INSR: variants seen among roughly 807,000 people sequenced by gnomAD.
INSR encodes IR.
INSR carries 67 observed loss-of-function variants against 142.6 expected under a neutral mutation model. The observed-to-expected ratio is 0.47, with a 90% CI of 0.39 to 0.58. The LOEUF (loss-of-function observed/expected upper bound fraction) is 0.58, where lower values mean the gene tolerates loss of function less well. INSR is among the 20% of genes least tolerant of loss of function. The pLI, the probability that INSR is intolerant of heterozygous loss-of-function variation, is 0.00. For synonymous variants in INSR, 756 were observed against 743.1 expected, an observed-to-expected ratio of 1.02 and a Z score of -0.28; for missense variants, 1,248 against 1,833.2, an observed-to-expected ratio of 0.68 and a Z score of 5.83.
chr19:7,237,471 C>G, intron 2 of INSR, among the ~76,000 whole-genome samples: 1 of 150,754 alleles, frequency 6.6e-6, no homozygotes, highest in East Asian at 2.0e-4. Context: ...GAGCAGAGAC[C>G]ATGCCACTGC....
chr19:7,249,069 C>T (rs1042740855), intron 2 of INSR, among the ~76,000 whole-genome samples: 1 of 152,138 alleles, frequency 6.6e-6, no homozygotes, highest in Non-Finnish European at 1.5e-5. Flanking sequence ...CCCCCAGTAT[C>T]TTTTGAAGCC....
intron 2 of INSR, among the ~76,000 whole-genome samples, chr19:7,226,498 G>A (rs1441721976): frequency 1.3e-5 from 2 of 151,496 alleles, no homozygotes; most frequent in Non-Finnish European, 2.9e-5. Context: ...GGCCGAGGCA[G>A]GAGAGTTGCT....
intron 15 of INSR, among the ~76,000 whole-genome samples, chr19:7,127,684 A>G (rs1441361404): frequency 2.6e-5 from 4 of 152,142 alleles, no homozygotes; most frequent in Non-Finnish European, 5.9e-5. Context: ...ATAACTCAGG[A>G]CTGGATTTGT....
chr19:7,186,670 GCA>G (rs1322908134), intron 2 of INSR, among the ~76,000 whole-genome samples: 1 of 151,698 alleles, frequency 6.6e-6, no homozygotes, highest in African/African-American at 2.4e-5. Context: ...CCAACTCCTG[GCA>G]CCTGCCATTT....
chr19:7,237,554 G>T (rs556197643), intron 2 of INSR, among the ~76,000 whole-genome samples: 27 of 151,920 alleles, frequency 1.8e-4, no homozygotes, highest in Non-Finnish European at 2.6e-4. Flanking sequence ...GGTGGCTCAC[G>T]CCTGTAATCC....
At chr19:7,132,086 T>A in intron 14 of INSR, 72 bp downstream of exon 14, 1 of 1,591,612 alleles carries the variant, frequency 6.3e-7, no homozygotes, top group African/African-American at 1.3e-5. Flanking sequence ...CTCCAAGTCA[T>A]CCCCTGCAAT....
At chr19:7,249,698 A>G (rs2145169973) in intron 2 of INSR, among the ~76,000 whole-genome samples, 1 of 152,104 alleles carries the variant, frequency 6.6e-6, no homozygotes, top group East Asian at 1.9e-4. Context: ...AAATAAATTA[A>G]AAAAAAATTA....
intron 9 of INSR, among the ~76,000 whole-genome samples, chr19:7,161,233 A>C (rs931278296): frequency 1.3e-5 from 2 of 149,356 alleles, no homozygotes; most frequent in African/African-American, 4.9e-5. Context: ...GAATGCACTT[A>C]ATGCCTTTTT....
chr19:7,192,935 A>T lies in INSR; in HGVS notation c.653-8298T>A, dbSNP rs1045188221. Among the ~76,000 whole-genome samples the T allele has an allele frequency of 6.6e-6, 1 of 151,998 alleles. No individual in the cohort carries two copies. The highest frequency in any genetic ancestry group is 1.5e-5 in the Non-Finnish European group (1 of 67,996). On this transcript the variant is annotated intron_variant, in intron 2 of 21. Coordinates refer to ENST00000302850, the MANE Select transcript of INSR (RefSeq NM_000208.4). This position sits in a 1 kb window ranked among gnomAD's most constrained non-coding sequence, Gnocchi z 4.2. ...ACTAAGTTGACGGAGGAGAAAGGAG[A>T]CCGCTGTGTCAGAGTCCTCTGGTGG...
chr19:7,135,475 G>A (rs1318786985), intron 13 of INSR, among the ~76,000 whole-genome samples: 4 of 147,108 alleles, frequency 2.7e-5, no homozygotes, highest in South Asian at 4.3e-4. Context: ...GCCACAAAGC[G>A]AGACTCCAGC....
At chr19:7,146,730 A>G (rs918412082) in intron 11 of INSR, among the ~76,000 whole-genome samples, 3 of 152,226 alleles carry the variant, frequency 2.0e-5, no homozygotes, top group Non-Finnish European at 4.4e-5. Context: ...TTTGACACAT[A>G]TCTTTTTCCA....
At position 7,115,670 on chromosome 19, in the gene INSR, CCACAAGAGGTACA is replaced by C. The variant is rs1568422599; in HGVS notation, c.*1373_*1385del. 1.3e-5 allele frequency: 2 copies of C among 152,308 alleles called. No individual in the cohort carries two copies. Among genetic ancestry groups the C allele is most frequent in the Admixed American group, 1.3e-4 (2 of 15,296 alleles). The allele number at this position is 152,308 out of a possible 1,614,324, so 9.4% of individuals were successfully genotyped here. A position where few individuals can be genotyped will look rare whatever the true frequency, so the allele number is the denominator to read the frequency against. ...ATGTTCACACCCGGGAGAGGAAACG[CCACAAGAGGTACA>C]CACAGAGAATCAGAGGATGAACACA... On this transcript the variant is annotated 3_prime_UTR_variant, in exon 22 of 22. Coordinates refer to ENST00000302850, the MANE Select transcript of INSR (RefSeq NM_000208.4).
Position 7,116,861 on chromosome 19 carries a change from G to A in INSR, c.*195C>T, listed in dbSNP as rs901761597. On this transcript the variant is annotated 3_prime_UTR_variant, in exon 22 of 22. Coordinates refer to ENST00000302850, the MANE Select transcript of INSR (RefSeq NM_000208.4). ...AAACCCCTTGCCCTCCAGGTTCACA[G>A]TTAAATCCTCTGCAGGACTAGTTAA... The A allele has an allele frequency of 3.5e-5, 21 of 597,996 alleles. No individual in the cohort carries two copies. The Admixed American group carries it at 4.1e-4, about 12-fold the overall frequency. The allele number at this position is 597,996 out of a possible 1,614,324, so 37.0% of individuals were successfully genotyped here.
At chr19:7,199,473 C>T (rs1474604028) in intron 2 of INSR, among the ~76,000 whole-genome samples, 1 of 150,948 alleles carries the variant, frequency 6.6e-6, no homozygotes, top group Non-Finnish European at 1.5e-5. Context: ...TCATAGCTCA[C>T]TGCAGTCTAG....
At chr19:7,151,146 TTTCCTTTCTTTCTTTCTC>T (rs1568447216) in intron 10 of INSR, among the ~76,000 whole-genome samples, 4 of 37,592 alleles carry the variant, frequency 1.1e-4, no homozygotes, top group African/African-American at 2.3e-4. Flanking sequence ...TCTTTCTCTC[TTTCCTTTCTTTCTTTCTC>T]TTTCTTTCTT....
rs149656015 is a variant in INSR at position 7,213,962 on chromosome 19, G to T, written c.653-29325C>A. 7.2e-3 allele frequency among the ~76,000 whole-genome samples: 1,088 copies of T among 151,234 alleles called. 19 individuals are homozygous for T. The highest frequency in any genetic ancestry group is 0.026 in the African/African-American group (1,039 of 40,662). On this transcript the variant is annotated intron_variant, in intron 2 of 21. Coordinates refer to ENST00000302850, the MANE Select transcript of INSR (RefSeq NM_000208.4). The stretch of plus-strand genomic sequence containing the variant: ...CAGAGATTGTGCCATTGCACTCCAG[G>T]CTAGGTGACAGGGCAAGACTTTGTC...
chr19:7,118,625 C>T (rs776964800), intron 21 of INSR, among the ~76,000 whole-genome samples: 13 of 151,048 alleles, frequency 8.6e-5, no homozygotes, highest in Admixed American at 1.3e-4. Context: ...AGCTACCTGA[C>T]AAAATTTTAA....
At chr19:7,287,446 GC>G (rs1453948676) in intron 1 of INSR, among the ~76,000 whole-genome samples, 1 of 151,968 alleles carries the variant, frequency 6.6e-6, no homozygotes, top group Non-Finnish European at 1.5e-5. Context: ...ACAGGCGTGA[GC>G]CACCACACCT....
At position 7,294,028 on chromosome 19, in the gene INSR, GC is replaced by G; in HGVS notation, c.-138del. 3.1e-6 allele frequency: 3 copies of G among 974,112 alleles called. No individual in the cohort carries two copies. The highest frequency in any genetic ancestry group is 3.8e-6 in the Non-Finnish European group (3 of 790,632). 60.3% of individuals were successfully genotyped at this position (974,112 alleles called of 1,614,324 possible). ...CCACGCCCGCGACCCGCGGGCCGCA[GC>G]CCCCCTGCCGGGGAGGGCCCAGAGG... On this transcript the variant is annotated 5_prime_UTR_variant, in exon 1 of 22. Transcript: ENST00000302850.
Sources: allele counts gnomAD v4.1 joint callset (sites outside exome capture counted in the v4.1 genomes callset), GRCh38; gene constraint gnomAD v4.1.1; non-coding constraint Gnocchi (gnomAD v3.1); transcripts MANE v1.5; gene names NCBI Gene and HGNC (gene_info 2026-07-23, HGNC 2026-07-21).